FAF1: variants seen among roughly 807,000 people sequenced by gnomAD.
The protein encoded by FAF1 is Fas associated factor 1.
A neutral mutation model predicts 92.5 loss-of-function variants in FAF1; 25 were observed. The ratio of observed to expected loss-of-function variants is 0.27; its 90% CI spans 0.20 to 0.38. FAF1 has a LOEUF of 0.38. FAF1 is among the 10% of genes least tolerant of loss of function. FAF1 has a pLI of 1.00. For synonymous variants in FAF1, 234 were observed against 273.2 expected (o/e 0.86, Z 1.42); for missense variants, 636 against 793.3 (o/e 0.80, Z 2.38).
intron 1 of FAF1, among the ~76,000 whole-genome samples, chr1:50,931,900 T>A (rs1645050975): frequency 7.3e-6 from 1 of 136,528 alleles, no homozygotes; most frequent in Non-Finnish European, 1.5e-5. Flanking sequence ...ATAATAATAA[T>A]AATAATAATA....
At chr1:50,757,234 T>C (rs1329450077) in intron 4 of FAF1, among the ~76,000 whole-genome samples, 1 of 152,236 alleles carries the variant, frequency 6.6e-6, no homozygotes, top group Non-Finnish European at 1.5e-5. Flanking sequence ...GAGTATTATA[T>C]ACATTTTAAG....
At chr1:50,472,356 T>C (rs1267169083) in intron 18 of FAF1, among the ~76,000 whole-genome samples, 1 of 135,984 alleles carries the variant, frequency 7.4e-6, no homozygotes, top group Admixed American at 8.2e-5. Context: ...ATTAGCAAAA[T>C]TGGGGAAAAC....
rs1200098156 is a variant in FAF1, at chr1:50,438,232, G to A, written c.*3208C>T. 2 of 152,038 alleles carry A rather than the reference G, an allele frequency of 1.3e-5. No homozygotes were observed. Among genetic ancestry groups the A allele is most frequent in the East Asian group, 1.9e-4 (1 of 5,182 alleles). 9.4% of individuals were successfully genotyped at this position (152,038 alleles called of 1,614,324 possible). ...GGGAGACTATTATGATGTGTGAAAG[G>A]TGTGTCCAATTGCAAAGTGCTATCA... On this transcript the variant is annotated 3_prime_UTR_variant, in exon 19 of 19. Coordinates refer to ENST00000396153, the MANE Select transcript of FAF1 (RefSeq NM_007051.3).
At chr1:50,866,013 G>A (rs938062347) in intron 1 of FAF1, among the ~76,000 whole-genome samples, 3 of 152,054 alleles carry the variant, frequency 2.0e-5, no homozygotes, top group African/African-American at 4.8e-5. Context: ...GATCAAGTGA[G>A]TTTGATACCA....
chr1:50,530,712 C>T (rs538239838), intron 15 of FAF1, among the ~76,000 whole-genome samples: 173 of 152,222 alleles, frequency 1.1e-3, no homozygotes, highest in African/African-American at 3.7e-3. Context: ...GTGCTTATTT[C>T]GCATTGCATG....
At chr1:50,949,875 T>C (rs577394522) in intron 1 of FAF1, among the ~76,000 whole-genome samples, 1 of 152,278 alleles carries the variant, frequency 6.6e-6, no homozygotes, top group African/African-American at 2.4e-5. Context: ...TTCTTTTTTT[T>C]TCGAGACAGG....
intron 7 of FAF1, among the ~76,000 whole-genome samples, chr1:50,682,714 A>G (rs910049174): frequency 2.0e-5 from 3 of 152,204 alleles, no homozygotes; most frequent in Non-Finnish European, 4.4e-5. Context: ...AGGTACTATA[A>G]CTAACAGTAA....
At chr1:50,723,070 TA>T (rs1658480608) in intron 6 of FAF1, among the ~76,000 whole-genome samples, 1 of 152,104 alleles carries the variant, frequency 6.6e-6, no homozygotes, top group South Asian at 2.1e-4. Flanking sequence ...ATGTAAGGAT[TA>T]ATATTTGTGC....
chr1:50,483,642 G>A (rs1284984382), intron 17 of FAF1, among the ~76,000 whole-genome samples: 1 of 152,116 alleles, frequency 6.6e-6, no homozygotes, highest in Non-Finnish European at 1.5e-5. Context: ...CTATAGGAAA[G>A]GCAAAAATGG....
intron 12 of FAF1, among the ~76,000 whole-genome samples, chr1:50,577,159 G>C (rs1271349094): frequency 6.6e-6 from 1 of 152,110 alleles, no homozygotes. Context: ...TCTTCCTTCT[G>C]TTTAGAATTC....
At chr1:50,751,186 G>C (rs180692133) in intron 4 of FAF1, among the ~76,000 whole-genome samples, 1 of 151,222 alleles carries the variant, frequency 6.6e-6, no homozygotes, top group Non-Finnish European at 1.5e-5. Flanking sequence ...AGCAAAGTAG[G>C]AATATAAGGC....
intron 15 of FAF1, 93 bp from the exon 16 acceptor site, chr1:50,491,894 A>G: frequency 1.2e-6 from 1 of 833,880 alleles, no homozygotes; most frequent in East Asian, 2.7e-5. Context: ...TTTTATTCCT[A>G]TATGAACTTA....
At chr1:50,895,629 C>T (rs945022906) in intron 1 of FAF1, among the ~76,000 whole-genome samples, 9 of 152,100 alleles carry the variant, frequency 5.9e-5, no homozygotes, top group East Asian at 1.9e-4. Flanking sequence ...TGAACATTGA[C>T]GCAAAAATCC....
chr1:50,544,105 C>T (rs1225013022), intron 13 of FAF1, among the ~76,000 whole-genome samples: 1 of 152,056 alleles, frequency 6.6e-6, no homozygotes, highest in Non-Finnish European at 1.5e-5. Context: ...ATGACCCAGG[C>T]ATCTCCCATT....
chr1:50,570,138 T>TA (rs1356114891), intron 12 of FAF1, among the ~76,000 whole-genome samples: 6 of 152,242 alleles, frequency 3.9e-5, no homozygotes, highest in African/African-American at 1.4e-4. Context: ...GCCCTTAGAA[T>TA]AAGCCTCTAG....
chr1:50,756,982 A>G (rs1299046702), intron 4 of FAF1, among the ~76,000 whole-genome samples: 1 of 152,154 alleles, frequency 6.6e-6, no homozygotes, highest in Non-Finnish European at 1.5e-5. Flanking sequence ...TCAGTTCAAA[A>G]TATTTTCTAC....
chr1:50,801,486 C>G (rs1569970241), intron 3 of FAF1, 145 bp downstream of exon 3: 1 of 472,442 alleles, frequency 2.1e-6, no homozygotes, highest in East Asian at 3.0e-5. Flanking sequence ...TAATATAACA[C>G]ATAGAAATAT....
At chr1:50,825,158 G>A (rs72902785) in intron 2 of FAF1, among the ~76,000 whole-genome samples, 14,332 of 152,002 alleles carry the variant, frequency 0.094, 718 homozygotes, top group African/African-American at 0.13. Flanking sequence ...TGGATATCCT[G>A]ATTACTGATT....
chr1:50,670,705 G>A (rs1569726095), intron 7 of FAF1, among the ~76,000 whole-genome samples: 1 of 152,202 alleles, frequency 6.6e-6, no homozygotes, highest in Admixed American at 6.5e-5. Context: ...GCTGAGGTGG[G>A]TGGATCACTT....
Sources: allele counts gnomAD v4.1 joint callset (sites outside exome capture counted in the v4.1 genomes callset), GRCh38; gene constraint gnomAD v4.1.1; transcripts MANE v1.5; gene names NCBI Gene and HGNC (gene_info 2026-07-23, HGNC 2026-07-21).